Variants in DPP6 observed in about 807,000 individuals in gnomAD.
DPP6 encodes A-type potassium channel modulatory protein DPP6.
DPP6 carries 69 observed loss-of-function variants against 122.6 expected under a neutral mutation model. The observed-to-expected ratio is 0.56, with a 90% confidence interval of 0.46 to 0.69. The LOEUF is 0.69. DPP6 is among the 30% of genes least tolerant of loss of function. The pLI, the probability that DPP6 is intolerant of heterozygous loss-of-function variation, is 0.00. For missense variants in DPP6, 928 were observed against 1,116.9 expected (o/e 0.83, Z 2.41); for synonymous variants, 418 against 433.1 (o/e 0.97, Z 0.43).
chr7:154,540,206 T>G (rs899354460), intron 3 of DPP6, among the ~76,000 whole-genome samples: 7 of 152,234 alleles, frequency 4.6e-5, no homozygotes, highest in Non-Finnish European at 8.8e-5. Context: ...TTAGTCCCTT[T>G]ACTAACAGTT....
At chr7:154,196,803 T>A (rs567308357) in intron 1 of DPP6, among the ~76,000 whole-genome samples, 109 of 152,242 alleles carry the variant, frequency 7.2e-4, no homozygotes, top group African/African-American at 2.4e-3. Flanking sequence ...CAGGCTGGCT[T>A]TATACATCCT....
the DPP6 span, among the ~76,000 whole-genome samples, chr7:153,866,274 G>A: frequency 4.6e-5 from 7 of 152,134 alleles, no homozygotes; most frequent in East Asian, 1.3e-3. Context: ...CACCAACAGT[G>A]TAAAAGTGTT....
At chr7:154,689,478 G>A (rs1839816789) in intron 7 of DPP6, among the ~76,000 whole-genome samples, 1 of 152,038 alleles carries the variant, frequency 6.6e-6, no homozygotes, top group Admixed American at 6.5e-5. Context: ...GTATTGTATT[G>A]TCAGTAGAAA....
At chr7:153,895,747 C>G (rs1242057715) in intron 1 of DPP6, among the ~76,000 whole-genome samples, 1 of 152,104 alleles carries the variant, frequency 6.6e-6, no homozygotes, top group Non-Finnish European at 1.5e-5. Context: ...CACACACACA[C>G]ACACACACAC....
In DPP6 at chr7:153,934,577, AT is replaced by A. The variant is rs538143766; in HGVS notation, c.51+46846del. ...AACTTATTATAGTTCTAGAGTGTCT[AT>A]TTCTGTAAAATATAGGGATATGCCC... On this transcript the variant is annotated intron_variant, in intron 1 of 25. Transcript: ENST00000404039. Among the ~76,000 whole-genome samples the A allele has an allele frequency of 3.0e-4, 45 of 152,220 alleles. No homozygotes were observed. In the East Asian group the frequency reaches 8.5e-3, roughly 29 times the overall value.
At chr7:154,669,497 T>C in intron 7 of DPP6, 56 bp downstream of exon 7, 1 of 1,545,788 alleles carries the variant, frequency 6.5e-7, no homozygotes, top group South Asian at 1.2e-5. Flanking sequence ...TTCTGTTTTC[T>C]AAGCTGAATG....
At chr7:153,982,257 T>A (rs535569408) in intron 1 of DPP6, among the ~76,000 whole-genome samples, 1 of 151,824 alleles carries the variant, frequency 6.6e-6, no homozygotes, top group Admixed American at 6.6e-5. Flanking sequence ...CATTCTTTTT[T>A]CTCTAATCTT....
the DPP6 span, among the ~76,000 whole-genome samples, chr7:153,836,305 A>C: frequency 6.6e-6 from 1 of 152,166 alleles, no homozygotes; most frequent in Non-Finnish European, 1.5e-5. Context: ...AAATAGATGC[A>C]ATATTATCTA....
rs113100020 is a variant in DPP6 at position 154,223,327 on chromosome 7, A to G, written c.243+170264A>G. Among the ~76,000 whole-genome samples, 203 of 149,644 alleles carry G rather than the reference A, an allele frequency of 1.4e-3. 23 individuals carry two copies. The highest frequency in any genetic ancestry group is 4.7e-3 in the African/African-American group (187 of 39,410). On this transcript the variant is annotated intron_variant, in intron 1 of 25. Coordinates refer to ENST00000377770, the MANE Select transcript of DPP6 (RefSeq NM_130797.4). ...TCATTCATCCATTAACACGTTTTGC[A>G]AATATTCTTTAAGCATCCATTGAGT...
At chr7:154,365,618 C>T (rs1812090211) in intron 1 of DPP6, among the ~76,000 whole-genome samples, 1 of 152,182 alleles carries the variant, frequency 6.6e-6, no homozygotes, top group Non-Finnish European at 1.5e-5. Flanking sequence ...ACCCTAATTA[C>T]CATGCCTGGT....
At chr7:154,560,269 G>C (rs1830338412) in intron 4 of DPP6, among the ~76,000 whole-genome samples, 2 of 152,050 alleles carry the variant, frequency 1.3e-5, no homozygotes, top group African/African-American at 4.8e-5. Flanking sequence ...AATATGTCCA[G>C]CTCCTCTGAA....
At chr7:154,669,234 G>A in intron 6 of DPP6, 126 bp from the exon 7 acceptor site, 4 of 1,392,726 alleles carry the variant, frequency 2.9e-6, no homozygotes, top group Non-Finnish European at 3.9e-6. Context: ...CAAGAGACAA[G>A]CTCTTGAAAT....
chr7:154,425,201 T>C (rs1290376668), intron 1 of DPP6, among the ~76,000 whole-genome samples: 1 of 152,164 alleles, frequency 6.6e-6, no homozygotes, highest in African/African-American at 2.4e-5. Flanking sequence ...GGATTGGGTA[T>C]GGATTTTAAC....
intron 8 of DPP6, among the ~76,000 whole-genome samples, chr7:154,762,736 AG>A (rs1795637678): frequency 6.6e-6 from 1 of 152,258 alleles, no homozygotes; most frequent in African/African-American, 2.4e-5. Flanking sequence ...TCTCTCCTGC[AG>A]ATAAAAACTC....
At chr7:154,417,860 T>C (rs1817156937) in intron 1 of DPP6, among the ~76,000 whole-genome samples, 1 of 152,228 alleles carries the variant, frequency 6.6e-6, no homozygotes, top group African/African-American at 2.4e-5. Flanking sequence ...CGACCTCTTA[T>C]TTGCTTTTGT....
intron 3 of DPP6, among the ~76,000 whole-genome samples, chr7:154,501,155 A>G (rs1414992185): frequency 6.6e-6 from 1 of 152,202 alleles, no homozygotes; most frequent in East Asian, 1.9e-4. Context: ...GTAGCAAGGC[A>G]TTCAAGAGGT....
At chr7:154,871,272 C>T (rs1804371753) in intron 18 of DPP6, among the ~76,000 whole-genome samples, 1 of 152,140 alleles carries the variant, frequency 6.6e-6, no homozygotes, top group Non-Finnish European at 1.5e-5. Context: ...CTTTCCCACC[C>T]TTGCCACACA....
At chr7:154,770,091 G>A (rs1258088501) in intron 9 of DPP6, among the ~76,000 whole-genome samples, 1 of 152,114 alleles carries the variant, frequency 6.6e-6, no homozygotes, top group Non-Finnish European at 1.5e-5. Flanking sequence ...AGACATGGAG[G>A]GCAGAGCCTT....
At chr7:154,780,124 C>G (rs967454316) in intron 10 of DPP6, among the ~76,000 whole-genome samples, 8 of 152,200 alleles carry the variant, frequency 5.3e-5, no homozygotes, top group Admixed American at 5.2e-4. Context: ...CTTTCAGAAT[C>G]AGACCAGGGC....
Sources: gnomAD v4.1 joint callset for allele counts (sites outside exome capture counted in the v4.1 genomes callset) on GRCh38, gnomAD v4.1.1 for gene constraint, MANE v1.5 for transcripts, NCBI Gene and HGNC (gene_info 2026-07-23, HGNC 2026-07-21) for gene names.